SCN11A: variants seen among roughly 807,000 people sequenced by gnomAD.
The protein encoded by SCN11A is sodium voltage-gated channel alpha subunit 11, also known as sodium channel protein type 11 subunit alpha.
A neutral mutation model predicts 162.2 loss-of-function variants in SCN11A; 122 were observed. The observed-to-expected ratio is 0.75, with a 90% CI of 0.65 to 0.87. The LOEUF (loss-of-function observed/expected upper bound fraction) is 0.87, where lower values mean the gene tolerates loss of function less well. Ranked by LOEUF, SCN11A falls within the 40% of genes least tolerant of loss-of-function variation. The pLI is 0.00. For synonymous variants in SCN11A, 758 were observed against 751.5 expected (o/e 1.01, Z -0.14); for missense variants, 2,015 against 2,181.6 (o/e 0.92, Z 1.52).
chr3:38,976,888 A>T (rs2066853170), intron 2 of SCN11A, among the ~76,000 whole-genome samples: 1 of 152,224 alleles, frequency 6.6e-6, no homozygotes, highest in Non-Finnish European at 1.5e-5. Context: ...GAATAATGAC[A>T]GACATTTTAC....
chr3:38,932,637 A>C (rs1559540961), intron 7 of SCN11A, among the ~76,000 whole-genome samples: 2 of 152,216 alleles, frequency 1.3e-5, no homozygotes, highest in African/African-American at 4.8e-5. Flanking sequence ...GCAGTCTGAG[A>C]TCAAACTGCA....
At chr3:39,004,005 G>A (rs892705609) in intron 2 of SCN11A, among the ~76,000 whole-genome samples, 1 of 152,124 alleles carries the variant, frequency 6.6e-6, no homozygotes, top group African/African-American at 2.4e-5. Context: ...GTCTTGCTGT[G>A]ATGAAGCTCT....
chr3:39,016,109 T>C (rs916433334), intron 2 of SCN11A, among the ~76,000 whole-genome samples: 2 of 152,164 alleles, frequency 1.3e-5, no homozygotes, highest in South Asian at 2.1e-4. Flanking sequence ...AAAGGAGCTA[T>C]GTAAGAATGT....
intron 4 of SCN11A, chr3:38,950,710 G>A (rs939644370): frequency 2.9e-5 from 8 of 277,936 alleles, no homozygotes; most frequent in South Asian, 5.9e-5. Flanking sequence ...AGGCTGAGCC[G>A]GCTGAACTGC....
intron 2 of SCN11A, among the ~76,000 whole-genome samples, chr3:38,967,580 G>A (rs1409452228): frequency 6.6e-6 from 1 of 152,192 alleles, no homozygotes; most frequent in Non-Finnish European, 1.5e-5. Flanking sequence ...CCATGGCTTT[G>A]GAGAAAGCAC....
chr3:38,918,450 C>T lies in SCN11A; in HGVS notation c.959+1485G>A, dbSNP rs187089305. On this transcript the variant is annotated intron_variant, in intron 11 of 29. Transcript: ENST00000302328. Reference sequence around the variant, plus strand: ...AGTGTGAACCCTATTGTGAACTGCGCATGCAAGGGATCTAGGTTGCACGCT... The same window carrying T: ...AGTGTGAACCCTATTGTGAACTGCGTATGCAAGGGATCTAGGTTGCACGCT... 6.3e-4 allele frequency among the ~76,000 whole-genome samples: 96 copies of T among 152,322 alleles called. 1 individual carries two copies. In the South Asian group the frequency reaches 0.01, roughly 16 times the overall value.
chr3:39,031,479 T>C (rs2031747216), intron 2 of SCN11A, among the ~76,000 whole-genome samples: 3 of 151,248 alleles, frequency 2.0e-5, no homozygotes, highest in Admixed American at 6.6e-5. Context: ...TGAGCCAAGA[T>C]TGCACCAGTG....
rs1162143163 is a variant in SCN11A, at chr3:38,886,159, T to A, written c.2915A>T (p.Asp972Val). 4 of 1,612,984 alleles carry A rather than the reference T, an allele frequency of 2.5e-6. No homozygotes were observed. Among genetic ancestry groups the A allele is most frequent in the East Asian group, 2.2e-5 (1 of 44,880 alleles). Reference protein sequence around the residue: ...QSVEIDMFSEDEPHLTIQDPR... With the variant: ...QSVEIDMFSEVEPHLTIQDPR... Reference sequence around the variant, plus strand: ...ATCCTGTATGGTCAGATGAGGCTCATCTTCAGAGAACATGTCAATTTCCAC... The same window carrying A: ...ATCCTGTATGGTCAGATGAGGCTCAACTTCAGAGAACATGTCAATTTCCAC... Residue 972 changes from aspartate to valine, a missense_variant, in exon 20 of 30, where the codon GAT (aspartate) becomes GTT (valine). By Grantham distance (152) the Asp-to-Val change is radical. Coordinates refer to ENST00000302328, the MANE Select transcript of SCN11A (RefSeq NM_001349253.2).
chr3:38,852,612 G>A (rs60535120), intron 28 of SCN11A, among the ~76,000 whole-genome samples: 4,136 of 152,276 alleles, frequency 0.027, 178 homozygotes, highest in African/African-American at 0.09. Flanking sequence ...AGGAGAAATC[G>A]AAGTGATTCC....
chr3:38,867,178 G>T, intron 27 of SCN11A, 143 bp downstream of exon 27: 1 of 701,408 alleles, frequency 1.4e-6, no homozygotes. Flanking sequence ...ATCATCTCCA[G>T]GCAGACATGG....
At chr3:38,948,760 C>T (rs964236113) in intron 5 of SCN11A, among the ~76,000 whole-genome samples, 1 of 152,014 alleles carries the variant, frequency 6.6e-6, no homozygotes, top group African/African-American at 2.4e-5. Context: ...ACCACCCAGG[C>T]TGGAATAGTC....
At chr3:39,022,791 A>T (rs2031482727) in intron 2 of SCN11A, among the ~76,000 whole-genome samples, 1 of 152,102 alleles carries the variant, frequency 6.6e-6, no homozygotes, top group African/African-American at 2.4e-5. Flanking sequence ...TGAGGCAAGA[A>T]GATTTTGAGC....
At position 39,001,710 on chromosome 3, in the gene SCN11A, AAAACAAACAAAC is replaced by A. The variant is rs149361919; in HGVS notation, c.-280+30658_-280+30669del. Among the ~76,000 whole-genome samples the A allele has an allele frequency of 1.3e-4, 20 of 151,376 alleles. No individual in the cohort carries two copies. In the South Asian group the frequency reaches 2.1e-3, roughly 16 times the overall value. ...TAGTTGTTACCAGCAGCATTTGTTT[AAAACAAACAAAC>A]AAACAAACAAACAAACAAAACACTA... On this transcript the variant is annotated intron_variant, in intron 2 of 29. Transcript: ENST00000302328.
chr3:38,874,366 G>A (rs1305872748), intron 23 of SCN11A, among the ~76,000 whole-genome samples: 2 of 152,190 alleles, frequency 1.3e-5, no homozygotes, highest in Non-Finnish European at 2.9e-5. Context: ...GGGAGGCTGA[G>A]GCAGGCAGAT....
intron 2 of SCN11A, among the ~76,000 whole-genome samples, chr3:38,977,572 G>GT (rs1414232596): frequency 1.3e-5 from 2 of 152,170 alleles, no homozygotes; most frequent in African/African-American, 4.8e-5. Context: ...TGTTAGTGTT[G>GT]TTTGTGTTTT....
chr3:39,041,074 T>C (rs897457236), intron 1 of SCN11A, among the ~76,000 whole-genome samples: 1 of 152,058 alleles, frequency 6.6e-6, no homozygotes, highest in African/African-American at 2.4e-5. Flanking sequence ...AGAGCAAGAC[T>C]CTGTCTCAAA....
intron 7 of SCN11A, among the ~76,000 whole-genome samples, chr3:38,945,106 A>G (rs2066496621): frequency 6.6e-6 from 1 of 152,272 alleles, no homozygotes; most frequent in Non-Finnish European, 1.5e-5. Flanking sequence ...CAATGTTACA[A>G]TCTACTAAAA....
At chr3:38,925,339 A>G in intron 9 of SCN11A, 76 bp downstream of exon 9, 1 of 993,206 alleles carries the variant, frequency 1.0e-6, no homozygotes, top group Non-Finnish European at 1.5e-6. Flanking sequence ...TTACATGATG[A>G]CATTTTGAAA....
intron 29 of SCN11A, chr3:38,849,206 C>CT (rs2064731385): frequency 8.0e-6 from 1 of 124,830 alleles, no homozygotes; most frequent in Admixed American, 8.6e-5. Flanking sequence ...AGGAAGGGCT[C>CT]TTTGAGTTCT....
Sources: allele counts gnomAD v4.1 joint callset (sites outside exome capture counted in the v4.1 genomes callset), GRCh38; gene constraint gnomAD v4.1.1; transcripts MANE v1.5; gene names NCBI Gene and HGNC (gene_info 2026-07-23, HGNC 2026-07-21).